FGF5: variants seen among roughly 807,000 people sequenced by gnomAD.
FGF5 encodes the protein fibroblast growth factor 5.
Under a neutral mutation model 21.8 loss-of-function variants are expected in FGF5, and 23 were observed. The ratio of observed to expected loss-of-function variants is 1.05; its 90% CI spans 0.76 to 1.49. FGF5 has a LOEUF of 1.49. Among genes scored for constraint, FGF5 ranks in the 40% most tolerant of loss-of-function variants. FGF5 has a pLI of 0.00. For synonymous variants in FGF5, 158 were observed against 124.0 expected (o/e 1.27, Z -1.82); for missense variants, 352 against 332.9 (o/e 1.06, Z -0.45).
Position 80,287,869 on chromosome 4 carries a change from A to G in FGF5, c.*1197A>G, listed in dbSNP as rs1235483494. The G allele has an allele frequency of 6.6e-6, 1 of 152,180 alleles. No individual in the cohort carries two copies. The allele number at this position is 152,180 out of a possible 1,614,324, so 9.4% of individuals were successfully genotyped here. A position where few individuals can be genotyped will look rare whatever the true frequency, so the allele number is the denominator to read the frequency against. On this transcript the variant is annotated 3_prime_UTR_variant, in exon 3 of 3. Transcript: ENST00000312465. ...TGAATAGATGTGCCCTTTTATAAGG[A>G]AACTTCTGATGTTTATTAAAAAAAC...
chr4:80,267,736 G>GATAA (rs1720138645), intron 1 of FGF5, among the ~76,000 whole-genome samples: 1 of 149,692 alleles, frequency 6.7e-6, no homozygotes, highest in African/African-American at 2.5e-5. Flanking sequence ...CACATAGGTA[G>GATAA]ATAGATAGAT....
intron 2 of FGF5, among the ~76,000 whole-genome samples, chr4:80,276,229 T>C (rs1307300083): frequency 1.3e-5 from 2 of 151,964 alleles, no homozygotes; most frequent in Admixed American, 6.6e-5. Flanking sequence ...CCTATTATTA[T>C]AGGGTTAACA....
rs922885122 is a variant in FGF5 at position 80,288,859 on chromosome 4, C to G, written c.*2187C>G. ...TGGTTTGATTTGATTAGCATATTAA[C>G]GTGAAAGTAGGATAGCTACTAAATA... On this transcript the variant is annotated 3_prime_UTR_variant, in exon 3 of 3. Transcript: ENST00000312465. The G allele has an allele frequency of 6.6e-6, 1 of 152,386 alleles. No homozygotes were observed. Among genetic ancestry groups the G allele is most frequent in the East Asian group, 1.9e-4 (1 of 5,200 alleles). The allele number at this position is 152,386 out of a possible 1,614,324, so 9.4% of individuals were successfully genotyped here.
chr4:80,290,193 C>T lies in FGF5; in HGVS notation c.*3521C>T, dbSNP rs926078520. ...AGACATTGCTGCAATGGGAAGCAGA[C>T]AATAACTTCTTAAAGGAATTCTACA... On this transcript the variant is annotated 3_prime_UTR_variant, in exon 3 of 3. Transcript: ENST00000312465. 2.0e-5 allele frequency: 3 copies of T among 151,866 alleles called. No individual in the cohort carries two copies. The highest frequency in any genetic ancestry group is 7.3e-5 in the African/African-American group (3 of 41,312). 9.4% of individuals were successfully genotyped at this position (151,866 alleles called of 1,614,324 possible).
In FGF5 at chr4:80,286,437, C is replaced by T. The variant is rs781595517; in HGVS notation, c.572C>T (p.Ala191Val). 1 of 1,613,870 alleles carries T rather than the reference C, an allele frequency of 6.2e-7. No homozygotes were observed. The highest frequency in any genetic ancestry group is 1.3e-5 in the African/African-American group (1 of 74,970). Residue 191 changes from alanine (A) to valine (V), a missense_variant, in exon 3 of 3, where the codon GCC becomes GTC. Physicochemically the swap from Ala to Val is moderately conservative, Grantham distance 64. Coordinates refer to ENST00000312465, the MANE Select transcript of FGF5 (RefSeq NM_004464.4). ...TEKTGREWYVALNKRGKAKRG... is the reference protein window; with the variant it reads ...TEKTGREWYVVLNKRGKAKRG... ...AAAACAGGGCGGGAGTGGTATGTGG[C>T]CCTGAATAAAAGAGGAAAAGCCAAA...
chr4:80,275,778 A>G (rs1169383990), intron 2 of FGF5, among the ~76,000 whole-genome samples: 1 of 151,996 alleles, frequency 6.6e-6, no homozygotes, highest in Non-Finnish European at 1.5e-5. Flanking sequence ...GCATTAGTAT[A>G]TACACGCTGC....
chr4:80,282,109 C>T (rs889009347), intron 2 of FGF5, among the ~76,000 whole-genome samples: 24 of 152,044 alleles, frequency 1.6e-4, no homozygotes, highest in African/African-American at 4.1e-4. Context: ...ATTACAGGCG[C>T]GCACAACCAC....
At position 80,266,926 on chromosome 4, in the gene FGF5, C is replaced by T. The variant is rs369885510; in HGVS notation, c.102C>T (p.Pro34=). Residue 34 remains proline (P), a synonymous_variant, in exon 1 of 3, where the codon CCC becomes CCT. Transcript: ENST00000312465. ...KRLAPKGQPG[P]AATDRNPRGS... Reference sequence around the variant, plus strand: ...TCGCCCCCAAAGGGCAACCCGGACCCGCTGCCACTGATAGGAACCCTAGAG... The same window carrying T: ...TCGCCCCCAAAGGGCAACCCGGACCTGCTGCCACTGATAGGAACCCTAGAG... 3.0e-5 allele frequency: 49 copies of T among 1,614,020 alleles called. 1 individual carries two copies. Among genetic ancestry groups the T allele is most frequent in the South Asian group, 1.9e-4 (17 of 91,086 alleles).
rs1227557994 is a variant in FGF5 at position 80,288,996 on chromosome 4, A to G, written c.*2324A>G. On this transcript the variant is annotated 3_prime_UTR_variant, in exon 3 of 3. Coordinates refer to ENST00000312465, the MANE Select transcript of FGF5 (RefSeq NM_004464.4). ...TTGTCTTTACTGGCCATACAAAATG[A>G]TTTTTTTTTTTTTTTTGAGACAGAG... 7.1e-6 allele frequency: 1 copy of G among 141,608 alleles called. No homozygotes were observed. The highest frequency in any genetic ancestry group is 1.6e-5 in the Non-Finnish European group (1 of 64,478). 8.8% of individuals were successfully genotyped at this position (141,608 alleles called of 1,614,324 possible).
chr4:80,279,362 A>G (rs751201876), intron 2 of FGF5, among the ~76,000 whole-genome samples: 3 of 152,166 alleles, frequency 2.0e-5, no homozygotes, highest in Admixed American at 1.3e-4. Context: ...TAATGTTTAA[A>G]CAGATTTTCC....
rs945934474 is a variant in FGF5, at chr4:80,266,719, C to T, written c.-106C>T. On this transcript the variant is annotated 5_prime_UTR_variant, in exon 1 of 3. Coordinates refer to ENST00000312465, the MANE Select transcript of FGF5 (RefSeq NM_004464.4). ...CTTCTCTTCCCCGAGGCTATGTCCACCCGGTGCGGCGAGGCGGGCAGAGCC... is the reference window on the plus strand; with the variant it reads ...CTTCTCTTCCCCGAGGCTATGTCCATCCGGTGCGGCGAGGCGGGCAGAGCC... The T allele has an allele frequency of 1.6e-5, 16 of 978,266 alleles. No individual in the cohort carries two copies. The African/African-American group carries it at 2.1e-4, about 13-fold the overall frequency. 60.6% of individuals were successfully genotyped at this position (978,266 alleles called of 1,614,324 possible).
rs1275701412 is a variant in FGF5, at chr4:80,286,717, T to C, written c.*45T>C. 25 of 1,483,654 alleles carry C rather than the reference T, an allele frequency of 1.7e-5. No individual in the cohort carries two copies. The highest frequency in any genetic ancestry group is 2.1e-5 in the Non-Finnish European group (23 of 1,073,716). 91.9% of individuals were successfully genotyped at this position (1,483,654 alleles called of 1,614,324 possible). A position where few individuals can be genotyped will look rare whatever the true frequency, so the allele number is the denominator to read the frequency against. On this transcript the variant is annotated 3_prime_UTR_variant, in exon 3 of 3. Coordinates refer to ENST00000312465, the MANE Select transcript of FGF5 (RefSeq NM_004464.4). ...AGAAACCATTCTTTCCCCTCAGGAG[T>C]TTCTATAGGTGTCTTCAGAGTTCTG...
Position 80,281,372 on chromosome 4 carries a change from G to A in FGF5, c.460-4953G>A, listed in dbSNP as rs143727967. ...AGTTTAGAGCAAAATTTGGTCTATA[G>A]TTGTTTTTATTACAGTCTATGATAA... On this transcript the variant is annotated intron_variant, in intron 2 of 2. Coordinates refer to ENST00000312465, the MANE Select transcript of FGF5 (RefSeq NM_004464.4). Among the ~76,000 whole-genome samples, 283 of 152,244 alleles carry A rather than the reference G, an allele frequency of 1.9e-3. 3 individuals carry two copies. The highest frequency in any genetic ancestry group is 6.6e-3 in the African/African-American group (273 of 41,540).
intron 2 of FGF5, among the ~76,000 whole-genome samples, chr4:80,282,746 A>T (rs1456972246): frequency 6.6e-6 from 1 of 152,212 alleles, no homozygotes; most frequent in Non-Finnish European, 1.5e-5. Context: ...TCTCTACTTC[A>T]TACTCTTTAA....
At position 80,274,982 on chromosome 4, in the gene FGF5, G is replaced by T; in HGVS notation, c.429G>T (p.Ala143=). The change falls in exon 2 of 3, where the codon GCG becomes GCT. Residue 143 remains alanine, a synonymous_variant. Coordinates refer to ENST00000312465, the MANE Select transcript of FGF5 (RefSeq NM_004464.4). ...GAGTTTTCAGCAACAAATTTTTAGC[G>T]ATGTCAAAAAAAGGAAAACTCCATG... The part of the protein sequence containing the change: ...IRGVFSNKFL[A]MSKKGKLHAS... 2 of 1,585,728 alleles carry T rather than the reference G, an allele frequency of 1.3e-6. No homozygotes were observed. Among genetic ancestry groups the T allele is most frequent in the Non-Finnish European group, 1.7e-6 (2 of 1,158,928 alleles).
intron 2 of FGF5, among the ~76,000 whole-genome samples, chr4:80,282,388 T>G (rs1450703780): frequency 6.6e-6 from 1 of 152,178 alleles, no homozygotes; most frequent in Non-Finnish European, 1.5e-5. Flanking sequence ...TATACTAAAG[T>G]ACAAAAAACG....
At chr4:80,275,241 T>C (rs1340997100) in intron 2 of FGF5, among the ~76,000 whole-genome samples, 1 of 152,056 alleles carries the variant, frequency 6.6e-6, no homozygotes, top group South Asian at 2.1e-4. Flanking sequence ...TAAGCATAAA[T>C]GTATTTGAAA....
intron 1 of FGF5, among the ~76,000 whole-genome samples, chr4:80,269,671 CTG>C (rs1392530735): frequency 6.6e-6 from 1 of 152,126 alleles, no homozygotes; most frequent in African/African-American, 2.4e-5. Flanking sequence ...AGTTTAGTTT[CTG>C]TGTCTTTCAC....
intron 1 of FGF5, 136 bp from the exon 2 acceptor site, chr4:80,274,772 CA>C (rs1405076448): frequency 1.8e-6 from 1 of 544,794 alleles, no homozygotes; most frequent in African/African-American, 2.0e-5. Context: ...ATGTCATGAA[CA>C]ATAAGGATGT....
Sources: gnomAD v4.1 joint callset for allele counts (sites outside exome capture counted in the v4.1 genomes callset) on GRCh38, gnomAD v4.1.1 for gene constraint, MANE v1.5 for transcripts, NCBI Gene and HGNC (gene_info 2026-07-23, HGNC 2026-07-21) for gene names.